TBC1D19: variants seen among roughly 807,000 people sequenced by gnomAD.
TBC1D19 encodes the protein TBC1 domain family, member 19.
In TBC1D19, 60 loss-of-function variants were observed where a neutral mutation model predicts 89.0. That is an observed-to-expected ratio of 0.67 (90% CI 0.55 to 0.84). The LOEUF is 0.84. Ranked by LOEUF, TBC1D19 falls within the 40% of genes least tolerant of loss-of-function variation. The pLI is 0.00. For synonymous variants in TBC1D19, 189 were observed against 199.7 expected (o/e 0.95, Z 0.45); for missense variants, 500 against 610.8 (o/e 0.82, Z 1.91).
chr4:26,608,777 A>G (rs923387771), intron 1 of TBC1D19, among the ~76,000 whole-genome samples: 15 of 152,070 alleles, frequency 9.9e-5, no homozygotes, highest in African/African-American at 3.6e-4. Flanking sequence ...CAGATTGGAA[A>G]ACAGTCTCTT....
chr4:26,688,571 G>T (rs1315673448), intron 13 of TBC1D19, among the ~76,000 whole-genome samples, 164 bp downstream of exon 13: 1 of 151,978 alleles, frequency 6.6e-6, no homozygotes, highest in East Asian at 1.9e-4. Context: ...TGTTTTTACT[G>T]TGAAATTAGA....
At chr4:26,580,090 T>C (rs1739038014), upstream of TBC1D19, among the ~76,000 whole-genome samples, 1 of 152,130 alleles carries the variant, frequency 6.6e-6, no homozygotes, top group Admixed American at 6.5e-5. Flanking sequence ...GTCAACACGG[T>C]CCCTGAGATT....
the TBC1D19 span, among the ~76,000 whole-genome samples, chr4:26,817,884 C>G: frequency 5.3e-5 from 8 of 151,074 alleles, no homozygotes; most frequent in Non-Finnish European, 7.4e-5. Context: ...AGGAGAATCT[C>G]TTGAACCCAG....
intron 4 of TBC1D19, among the ~76,000 whole-genome samples, chr4:26,625,932 C>G (rs1249665612): frequency 6.6e-6 from 1 of 152,020 alleles, no homozygotes; most frequent in Admixed American, 6.6e-5. Flanking sequence ...TACTCTTTTT[C>G]CCTCTTTCCA....
chr4:26,793,638 G>A, the TBC1D19 span, among the ~76,000 whole-genome samples: 5 of 149,768 alleles, frequency 3.3e-5, no homozygotes, highest in African/African-American at 4.9e-5. Context: ...TGGGGGAATC[G>A]CTTGAAACCA....
At chr4:26,608,064 T>C (rs990550105) in intron 1 of TBC1D19, among the ~76,000 whole-genome samples, 3 of 152,200 alleles carry the variant, frequency 2.0e-5, no homozygotes, top group Admixed American at 6.5e-5. Context: ...AGTAAAACCA[T>C]GTTATGCAGA....
chr4:26,702,873 C>T (rs1577959039), intron 13 of TBC1D19, among the ~76,000 whole-genome samples: 1 of 152,154 alleles, frequency 6.6e-6, no homozygotes, highest in Non-Finnish European at 1.5e-5. Flanking sequence ...ATTCCCCCTG[C>T]CCCCGGGCCC....
chr4:26,735,461 T>C lies in TBC1D19; in HGVS notation c.1091T>C (p.Ile364Thr). 1 of 1,556,036 alleles carries C rather than the reference T, an allele frequency of 6.4e-7. No individual in the cohort carries two copies. The highest frequency in any genetic ancestry group is 1.2e-5 in the South Asian group (1 of 83,712). The change falls in exon 16 of 21, where the codon ATC (isoleucine) becomes ACC (threonine). Residue 364 changes from isoleucine (I) to threonine (T), a missense_variant. Around this residue, in one of 2 missense-constraint regions of TBC1D19, gnomAD observed 220 missense variants for 319.1 expected, o/e 0.69. Transcript: ENST00000264866. The part of the protein sequence containing the change: ...YAVFYPPNGV[I>T]PFHGFSMYVA... ...AATACCTTTTTTTTTTTAGGTGTTA[T>C]CCCTTTTCATGGATTTTCAATGTAT...
At chr4:26,667,359 A>T in intron 9 of TBC1D19, among the ~76,000 whole-genome samples, 1 of 152,042 alleles carries the variant, frequency 6.6e-6, no homozygotes, top group Non-Finnish European at 1.5e-5. Flanking sequence ...CCCTCTTTCA[A>T]TCTGTAATCC....
At chr4:26,823,838 G>A in the TBC1D19 span, among the ~76,000 whole-genome samples, 5 of 152,184 alleles carry the variant, frequency 3.3e-5, no homozygotes, top group Admixed American at 6.5e-5. Context: ...AAAGCTTGTC[G>A]TCAGTGTATT....
chr4:26,625,646 G>A (rs367866666), intron 4 of TBC1D19, among the ~76,000 whole-genome samples: 2 of 152,144 alleles, frequency 1.3e-5, no homozygotes, highest in East Asian at 3.8e-4. Flanking sequence ...GGCTATGACA[G>A]TTTCTCAGAC....
chr4:26,669,153 A>G (rs906387646), intron 9 of TBC1D19, among the ~76,000 whole-genome samples: 3 of 151,764 alleles, frequency 2.0e-5, no homozygotes, highest in Non-Finnish European at 4.4e-5. Context: ...AATGAATCTT[A>G]TTAGATGAGG....
intron 3 of TBC1D19, among the ~76,000 whole-genome samples, chr4:26,618,733 C>T (rs955139583): frequency 6.6e-6 from 1 of 152,166 alleles, no homozygotes; most frequent in Non-Finnish European, 1.5e-5. Context: ...CACTTCTGGC[C>T]AACATCCAGG....
At chr4:26,808,952 T>A in the TBC1D19 span, among the ~76,000 whole-genome samples, 2 of 152,154 alleles carry the variant, frequency 1.3e-5, no homozygotes. Flanking sequence ...AAGATAAGAT[T>A]TGAACTCTTG....
intron 9 of TBC1D19, 33 bp downstream of exon 9, chr4:26,666,438 A>G (rs1236159803): frequency 1.9e-6 from 3 of 1,571,184 alleles, no homozygotes; most frequent in Non-Finnish European, 2.6e-6. Flanking sequence ...ATAATTAATG[A>G]TAAATGAGAG....
At chr4:26,816,779 A>G in the TBC1D19 span, among the ~76,000 whole-genome samples, 1 of 152,100 alleles carries the variant, frequency 6.6e-6, no homozygotes, top group African/African-American at 2.4e-5. Context: ...AACCTAATAC[A>G]TGTCAATATC....
the TBC1D19 span, among the ~76,000 whole-genome samples, chr4:26,819,700 C>G: frequency 1.3e-5 from 2 of 151,414 alleles, no homozygotes. Context: ...GGCTTCCCAT[C>G]TCACTCAGAG....
chr4:26,779,322 G>A, the TBC1D19 span, among the ~76,000 whole-genome samples: 1 of 152,202 alleles, frequency 6.6e-6, no homozygotes, highest in East Asian at 1.9e-4. Flanking sequence ...AGGAACTCCG[G>A]GAGAAGGGGT....
At chr4:26,803,024 C>T in the TBC1D19 span, among the ~76,000 whole-genome samples, 1 of 152,130 alleles carries the variant, frequency 6.6e-6, no homozygotes, top group Non-Finnish European at 1.5e-5. Context: ...AGGCTCTAGC[C>T]TCATGATTTC....
Sources: gnomAD v4.1 joint callset for allele counts (sites outside exome capture counted in the v4.1 genomes callset) on GRCh38, gnomAD v4.1.1 for gene constraint, gnomAD v4.1.1 regional missense constraint, MANE v1.5 for transcripts, NCBI Gene and HGNC (gene_info 2026-07-23, HGNC 2026-07-21) for gene names.